Variants in CTDSPL observed in about 807,000 individuals in gnomAD.
The protein encoded by CTDSPL is CTD small phosphatase-like protein.
CTDSPL carries 8 observed loss-of-function variants against 30.5 expected under a neutral mutation model. That is an observed-to-expected ratio of 0.26 (90% confidence interval 0.15 to 0.47). The LOEUF (loss-of-function observed/expected upper bound fraction) is 0.47. Ranked by LOEUF, CTDSPL falls within the 20% of genes least tolerant of loss-of-function variation. The pLI is 0.99. For missense variants in CTDSPL, 248 were observed against 366.1 expected (o/e 0.68, Z 2.63); for synonymous variants, 110 against 137.9 (o/e 0.80, Z 1.42).
rs145967390 is a variant in CTDSPL at position 37,982,567 on chromosome 3, A to T, written c.*1700A>T. 1.9e-3 allele frequency: 863 copies of T among 456,734 alleles called. 4 individuals are homozygous for T. Among genetic ancestry groups the T allele is most frequent in the Admixed American group, 9.7e-3 (414 of 42,582 alleles). 28.3% of individuals were successfully genotyped at this position (456,734 alleles called of 1,614,324 possible). On this transcript the variant is annotated 3_prime_UTR_variant, in exon 8 of 8. Coordinates refer to ENST00000273179, the MANE Select transcript of CTDSPL (RefSeq NM_001008392.2). ...TTTGTTTTGCTTTCATTCACAAAGT[A>T]ATGAAGCCAGCTGCCAATTACATCC...
chr3:37,862,403 G>A lies in CTDSPL; in HGVS notation c.79+125G>A. Reference sequence around the variant, plus strand: ...CACAGGGCCCGGAGGGTGCGTGGGTGTGGGGTGCGCCCGGAGGAGAGCGAG... The same window carrying A: ...CACAGGGCCCGGAGGGTGCGTGGGTATGGGGTGCGCCCGGAGGAGAGCGAG... On this transcript the variant is annotated intron_variant, in intron 1 of 7. Transcript: ENST00000273179. The surrounding 1 kb of genome is among the most constrained non-coding windows in gnomAD (Gnocchi z 4.3). 2 of 712,872 alleles carry A rather than the reference G, an allele frequency of 2.8e-6. No homozygotes were observed. The highest frequency in any genetic ancestry group is 3.9e-6 in the Non-Finnish European group (2 of 516,962). 44.2% of individuals were successfully genotyped at this position (712,872 alleles called of 1,614,324 possible). A position where few individuals can be genotyped will look rare whatever the true frequency, so the allele number is the denominator to read the frequency against.
At chr3:37,964,136 C>T (rs1198250421) in intron 3 of CTDSPL, among the ~76,000 whole-genome samples, 1 of 150,018 alleles carries the variant, frequency 6.7e-6, no homozygotes, top group African/African-American at 2.5e-5. Context: ...AAAATATGAC[C>T]CCACGAAACA....
intron 3 of CTDSPL, 126 bp from the exon 4 acceptor site, chr3:37,964,445 T>A (rs748677776): frequency 7.3e-5 from 44 of 599,042 alleles, no homozygotes; most frequent in Non-Finnish European, 1.2e-4. Flanking sequence ...TACTTATTCC[T>A]ATTGTTCTTA....
chr3:37,894,263 ATT>A (rs377589276), intron 1 of CTDSPL, among the ~76,000 whole-genome samples: 87 of 146,368 alleles, frequency 5.9e-4, no homozygotes, highest in African/African-American at 2.0e-3. Context: ...AAAAAAAGTT[ATT>A]TTTTTTTTTT....
intron 1 of CTDSPL, among the ~76,000 whole-genome samples, chr3:37,881,518 G>C (rs374476175): frequency 6.6e-6 from 1 of 152,158 alleles, no homozygotes; most frequent in Non-Finnish European, 1.5e-5. Context: ...GACAGTGCGA[G>C]ACTCCGTCTC....
At chr3:37,936,609 C>T (rs952603941) in intron 1 of CTDSPL, among the ~76,000 whole-genome samples, 1 of 134,092 alleles carries the variant, frequency 7.5e-6, no homozygotes, top group African/African-American at 2.9e-5. Flanking sequence ...ATGGCGCATT[C>T]ATTTAAATGT....
intron 1 of CTDSPL, among the ~76,000 whole-genome samples, chr3:37,910,526 G>T (rs902396473): frequency 6.6e-6 from 1 of 152,034 alleles, no homozygotes; most frequent in African/African-American, 2.4e-5. Context: ...AAACCAGTCT[G>T]AATATTTTAC....
chr3:37,906,996 T>C (rs1451159460), intron 1 of CTDSPL, among the ~76,000 whole-genome samples: 2 of 152,194 alleles, frequency 1.3e-5, no homozygotes, highest in African/African-American at 2.4e-5. Flanking sequence ...ACAGCTTTTA[T>C]TGTGGTAGGG....
intron 1 of CTDSPL, among the ~76,000 whole-genome samples, chr3:37,919,507 A>G (rs1698689234): frequency 6.6e-6 from 1 of 152,214 alleles, no homozygotes; most frequent in Non-Finnish European, 1.5e-5. Flanking sequence ...TAAGGTAGAA[A>G]CCAGAATAGG....
chr3:37,888,744 A>G (rs1559625210), intron 1 of CTDSPL, among the ~76,000 whole-genome samples: 1 of 152,226 alleles, frequency 6.6e-6, no homozygotes. Context: ...GCCTAGCATC[A>G]TCCTCATCTC....
intron 1 of CTDSPL, among the ~76,000 whole-genome samples, chr3:37,882,494 G>C (rs936924158): frequency 6.7e-6 from 1 of 150,290 alleles, no homozygotes; most frequent in Non-Finnish European, 1.5e-5. Flanking sequence ...GTGCACACCT[G>C]TAAACCCAGC....
rs1343987074 is a variant in CTDSPL at position 37,862,107 on chromosome 3, C to A, written c.-93C>A. 2.7e-6 allele frequency: 1 copy of A among 369,290 alleles called. No homozygotes were observed. Among genetic ancestry groups the A allele is most frequent in the Non-Finnish European group, 3.7e-6 (1 of 272,126 alleles). The allele number at this position is 369,290 out of a possible 1,614,324, so 22.9% of individuals were successfully genotyped here. ...CCCAGGCAGCGGCTGCGAGCGCCCC[C>A]CCGCGCCGCGCCCCCGCGCCCCCCG... On this transcript the variant is annotated 5_prime_UTR_variant, in exon 1 of 8. Coordinates refer to ENST00000273179, the MANE Select transcript of CTDSPL (RefSeq NM_001008392.2). This position sits in a 1 kb window ranked among gnomAD's most constrained non-coding sequence, Gnocchi z 4.3.
chr3:37,945,783 G>A (rs984017765), intron 1 of CTDSPL, among the ~76,000 whole-genome samples: 16 of 152,212 alleles, frequency 1.1e-4, no homozygotes, highest in Non-Finnish European at 1.9e-4. Context: ...ACCTAGGGTA[G>A]AAACCATTCA....
intron 1 of CTDSPL, among the ~76,000 whole-genome samples, chr3:37,915,840 A>G (rs1010114823): frequency 6.6e-6 from 1 of 152,132 alleles, no homozygotes; most frequent in Non-Finnish European, 1.5e-5. Flanking sequence ...ATTTTTTATT[A>G]AGTGTCAGAC....
intron 1 of CTDSPL, among the ~76,000 whole-genome samples, chr3:37,927,640 G>GTA: frequency 1.2e-5 from 1 of 81,946 alleles, no homozygotes; most frequent in South Asian, 4.5e-4. Context: ...AAATATATGT[G>GTA]TGTGTGTGTG....
At chr3:37,937,401 T>G (rs1698928782) in intron 1 of CTDSPL, among the ~76,000 whole-genome samples, 2 of 149,996 alleles carry the variant, frequency 1.3e-5, no homozygotes, top group African/African-American at 4.8e-5. Flanking sequence ...TGGGACTGGA[T>G]TAGTTACCTT....
chr3:37,921,022 A>G (rs978614879), intron 1 of CTDSPL, among the ~76,000 whole-genome samples: 1 of 152,182 alleles, frequency 6.6e-6, no homozygotes, highest in Non-Finnish European at 1.5e-5. Flanking sequence ...GTGAGCCTCA[A>G]TAGGTCAGCG....
chr3:37,893,189 G>A (rs1235378409), intron 1 of CTDSPL, among the ~76,000 whole-genome samples: 2 of 152,200 alleles, frequency 1.3e-5, no homozygotes, highest in African/African-American at 4.8e-5. Context: ...CACAGCTGTT[G>A]TTTGGATGTC....
chr3:37,877,717 C>T (rs576844486), intron 1 of CTDSPL, among the ~76,000 whole-genome samples: 3 of 142,268 alleles, frequency 2.1e-5, no homozygotes, highest in Non-Finnish European at 4.7e-5. Flanking sequence ...TGTGGTTCTG[C>T]GGGCAGTACA....
Sources: gnomAD v4.1 joint callset for allele counts (sites outside exome capture counted in the v4.1 genomes callset) on GRCh38, gnomAD v4.1.1 for gene constraint, Gnocchi (gnomAD v3.1) non-coding constraint, MANE v1.5 for transcripts, NCBI Gene and HGNC (gene_info 2026-07-23, HGNC 2026-07-21) for gene names.